Variants in FAF1 observed in about 807,000 individuals in gnomAD.
FAF1 encodes Fas associated factor 1, also known as FAS-associated factor 1.
A neutral mutation model predicts 92.5 loss-of-function variants in FAF1; 25 were observed. That is an observed-to-expected ratio of 0.27 (90% CI 0.20 to 0.38). The LOEUF (loss-of-function observed/expected upper bound fraction) is 0.38, where lower values mean the gene tolerates loss of function less well. Among genes scored for constraint, FAF1 ranks in the 10% least tolerant of loss-of-function variants. FAF1 has a pLI of 1.00. For synonymous variants in FAF1, 234 were observed against 273.2 expected, an observed-to-expected ratio of 0.86 and a Z score of 1.42; for missense variants, 636 against 793.3, an observed-to-expected ratio of 0.80 and a Z score of 2.38.
chr1:50,687,946 T>A (rs1279463686), intron 7 of FAF1, among the ~76,000 whole-genome samples: 1 of 151,480 alleles, frequency 6.6e-6, no homozygotes. Context: ...CCATCTTGGC[T>A]AACACAGTGA....
intron 2 of FAF1, among the ~76,000 whole-genome samples, chr1:50,845,260 C>T (rs1238275120): frequency 2.0e-5 from 3 of 152,176 alleles, no homozygotes; most frequent in Non-Finnish European, 1.5e-5. Flanking sequence ...ACTTGGGAAC[C>T]AGCAATATGA....
At chr1:50,471,690 G>A (rs1646574373) in intron 18 of FAF1, among the ~76,000 whole-genome samples, 1 of 152,130 alleles carries the variant, frequency 6.6e-6, no homozygotes, top group African/African-American at 2.4e-5. Context: ...CATTATATCA[G>A]TGGCAATACA....
chr1:50,831,873 T>TCC (rs1644156539), intron 2 of FAF1, among the ~76,000 whole-genome samples: 1 of 145,750 alleles, frequency 6.9e-6, no homozygotes, highest in South Asian at 2.3e-4. Flanking sequence ...TGTGAGCCAC[T>TCC]CCCCATCACT....
At chr1:50,768,284 G>A (rs561224299) in intron 4 of FAF1, among the ~76,000 whole-genome samples, 2 of 150,882 alleles carry the variant, frequency 1.3e-5, no homozygotes, top group Non-Finnish European at 3.0e-5. Flanking sequence ...AAAAGCACCC[G>A]GATTCATATA....
At chr1:50,795,115 C>T (rs571170982) in intron 3 of FAF1, among the ~76,000 whole-genome samples, 2 of 152,242 alleles carry the variant, frequency 1.3e-5, no homozygotes, top group Admixed American at 6.5e-5. Flanking sequence ...TAAGCATGGA[C>T]ACCACAACAT....
At chr1:50,751,422 C>T (rs1659863906) in intron 4 of FAF1, among the ~76,000 whole-genome samples, 1 of 152,072 alleles carries the variant, frequency 6.6e-6, no homozygotes, top group Non-Finnish European at 1.5e-5. Context: ...GTAACCTCTG[C>T]CTCCTCCGCC....
intron 8 of FAF1, among the ~76,000 whole-genome samples, chr1:50,649,550 A>G (rs1176339744): frequency 6.6e-6 from 1 of 152,220 alleles, no homozygotes; most frequent in Non-Finnish European, 1.5e-5. Flanking sequence ...CTGAATCCTA[A>G]CACACGCCCA....
At chr1:50,827,188 A>G (rs1357221444) in intron 2 of FAF1, among the ~76,000 whole-genome samples, 1 of 152,144 alleles carries the variant, frequency 6.6e-6, no homozygotes, top group Non-Finnish European at 1.5e-5. Context: ...TCAAAAAGAA[A>G]AGGGGGAAAT....
chr1:50,757,737 T>C (rs1569894315), intron 4 of FAF1, among the ~76,000 whole-genome samples: 1 of 152,158 alleles, frequency 6.6e-6, no homozygotes, highest in Non-Finnish European at 1.5e-5. Context: ...TGAGATCATT[T>C]ATATGTATTA....
In FAF1 at chr1:50,647,475, T is replaced by C. The variant is rs540787984; in HGVS notation, c.744+7967A>G. Among the ~76,000 whole-genome samples the C allele has an allele frequency of 2.6e-5, 4 of 152,364 alleles. No individual in the cohort carries two copies. The South Asian group carries it at 8.3e-4, about 32-fold the overall frequency. On this transcript the variant is annotated intron_variant, in intron 8 of 18. Transcript: ENST00000396153. ...CTGAATCTGCTATGATTCTGGAGGC[T>C]GCCAATTTGCGAATCATTTTTTTTT...
At chr1:50,802,676 T>A (rs1010207072) in intron 2 of FAF1, among the ~76,000 whole-genome samples, 1 of 152,152 alleles carries the variant, frequency 6.6e-6, no homozygotes. Flanking sequence ...ACAGAGAATA[T>A]TCTCAGGAAA....
chr1:50,683,117 G>T (rs1289893248), intron 7 of FAF1, among the ~76,000 whole-genome samples: 3 of 152,080 alleles, frequency 2.0e-5, no homozygotes, highest in Non-Finnish European at 4.4e-5. Context: ...TTCAGGTTTA[G>T]ATGACAATAG....
intron 2 of FAF1, among the ~76,000 whole-genome samples, chr1:50,808,828 G>A (rs969318649): frequency 4.6e-5 from 7 of 152,072 alleles, no homozygotes; most frequent in African/African-American, 1.7e-4. Flanking sequence ...TAAATTGTAT[G>A]TTTTTGAGTG....
intron 8 of FAF1, among the ~76,000 whole-genome samples, chr1:50,639,593 C>T (rs1569648238): frequency 6.6e-6 from 1 of 151,418 alleles, no homozygotes; most frequent in Admixed American, 6.6e-5. Flanking sequence ...TCTTTTTGTT[C>T]TTTTTTTTTG....
intron 15 of FAF1, among the ~76,000 whole-genome samples, chr1:50,497,565 T>G (rs1173390949): frequency 8.6e-6 from 1 of 116,054 alleles, no homozygotes; most frequent in African/African-American, 3.3e-5. Flanking sequence ...TTTTTTTTTT[T>G]TGTGACGGAG....
intron 7 of FAF1, among the ~76,000 whole-genome samples, chr1:50,672,578 T>C (rs1297835955): frequency 6.6e-6 from 1 of 152,154 alleles, no homozygotes; most frequent in Admixed American, 6.5e-5. Flanking sequence ...CCACGGCGCC[T>C]GGCCAGCAAT....
At chr1:50,459,233 T>C (rs542249902) in intron 18 of FAF1, among the ~76,000 whole-genome samples, 28 of 152,158 alleles carry the variant, frequency 1.8e-4, no homozygotes, top group Non-Finnish European at 4.1e-4. Context: ...CTTGGCCTTC[T>C]AAAGTGCTGG....
rs550262583 is a variant in FAF1 at position 50,582,985 on chromosome 1, C to T, written c.1032-286G>A. On this transcript the variant is annotated intron_variant, in intron 11 of 18. Transcript: ENST00000396153. ...ATAAGAAGAAACTCTTGGTTACTCA[C>T]TTTCATATGATTTTACTAGTTACAT... Among the ~76,000 whole-genome samples the T allele has an allele frequency of 3.9e-5, 6 of 152,204 alleles. No individual in the cohort carries two copies. The East Asian group carries it at 7.7e-4, about 20-fold the overall frequency.
intron 1 of FAF1, among the ~76,000 whole-genome samples, chr1:50,891,988 A>G (rs934540374): frequency 3.3e-5 from 5 of 152,116 alleles, no homozygotes; most frequent in Admixed American, 6.5e-5. Context: ...GGCCTCCTTG[A>G]GCTGCAGTGG....
Sources: allele counts gnomAD v4.1 joint callset (sites outside exome capture counted in the v4.1 genomes callset), GRCh38; gene constraint gnomAD v4.1.1; transcripts MANE v1.5; gene names NCBI Gene and HGNC (gene_info 2026-07-23, HGNC 2026-07-21).